NDUFS7: variants seen among roughly 807,000 people sequenced by gnomAD.
NDUFS7 encodes the protein NADH dehydrogenase [ubiquinone] iron-sulfur protein 7, mitochondrial.
Under a neutral mutation model 31.1 loss-of-function variants are expected in NDUFS7, and 11 were observed. That is an observed-to-expected ratio of 0.35 (90% CI 0.22 to 0.59). The LOEUF is 0.59. Ranked by LOEUF, NDUFS7 falls within the 20% of genes least tolerant of loss-of-function variation. The pLI, the probability that NDUFS7 is intolerant of heterozygous loss-of-function variation, is 0.79. For missense variants in NDUFS7, 263 were observed against 324.2 expected (o/e 0.81, Z 1.45); for synonymous variants, 136 against 127.9 (o/e 1.06, Z -0.43).
chr19:1,394,158 G>A, intron 7 of NDUFS7: 1 of 354,788 alleles, frequency 2.8e-6, no homozygotes. Flanking sequence ...GCACATCCTG[G>A]TGCCTCTCAA....
In NDUFS7 at chr19:1,393,057, C is replaced by A. The variant is rs2082567988; in HGVS notation, c.456-185C>A. 1.6e-6 allele frequency: 1 copy of A among 619,228 alleles called. No individual in the cohort carries two copies. The highest frequency in any genetic ancestry group is 2.7e-5 in the East Asian group (1 of 36,458). The allele number at this position is 619,228 out of a possible 1,614,324, so 38.4% of individuals were successfully genotyped here. The stretch of plus-strand genomic sequence containing the variant: ...TTATCAGCCACGTGTGAGCTTGCGC[C>A]CCACTGGTCCCACAGAGGCTCTGGG... On this transcript the variant is annotated intron_variant, in intron 6 of 7. Transcript: ENST00000233627. The surrounding 1 kb of genome is among the most constrained non-coding windows in gnomAD (Gnocchi z 7.3).
intron 6 of NDUFS7, chr19:1,392,956 C>T (rs2082567164): frequency 3.8e-6 from 2 of 520,656 alleles, no homozygotes; most frequent in Non-Finnish European, 7.0e-6. Context: ...TTTGTTGACA[C>T]ATGTGATCTG....
rs998999454 is a variant in NDUFS7 at position 1,393,828 on chromosome 19, C to T, written c.544+498C>T. ...AACTGTTAGTAGTAATTGTTTAGTA[C>T]GAGTATATCCCAACAATATTTGGGC... On this transcript the variant is annotated intron_variant, in intron 7 of 7. Coordinates refer to ENST00000233627, the MANE Select transcript of NDUFS7 (RefSeq NM_024407.5). This position sits in a 1 kb window ranked among gnomAD's most constrained non-coding sequence, Gnocchi z 7.3. The T allele has an allele frequency of 3.1e-5, 10 of 319,626 alleles. No individual in the cohort carries two copies. The highest frequency in any genetic ancestry group is 7.2e-5 in the South Asian group (2 of 27,602). The allele number at this position is 319,626 out of a possible 1,614,324, so 19.8% of individuals were successfully genotyped here.
Position 1,388,508 on chromosome 19 carries a change from G to A in NDUFS7, c.54-17G>A, listed in dbSNP as rs543072293. 101 of 1,610,406 alleles carry A rather than the reference G, an allele frequency of 6.3e-5. No individual in the cohort carries two copies. The African/African-American group carries it at 7.9e-4, about 13-fold the overall frequency. ...GGGCCTGGGACAGCCACTGACCCGC[G>A]TTCCATCTCCCGGCAGCTCCAGCGT... On this transcript the variant is annotated splice_polypyrimidine_tract_variant and intron_variant, in intron 2 of 7. Coordinates refer to ENST00000233627, the MANE Select transcript of NDUFS7 (RefSeq NM_024407.5).
rs1379580311 is a variant in NDUFS7, at chr19:1,395,516, T to TCGC, written c.*31_*33dup. 4 of 1,556,480 alleles carry TCGC rather than the reference T, an allele frequency of 2.6e-6. No homozygotes were observed. The highest frequency in any genetic ancestry group is 3.5e-6 in the Non-Finnish European group (4 of 1,150,764). On this transcript the variant is annotated 3_prime_UTR_variant, in exon 8 of 8. Transcript: ENST00000233627. The stretch of plus-strand genomic sequence containing the variant: ...CCGCCGCCGCCGCCGCCGGAGCCTG[T>TCGC]CGCCGTCCTGTCCCCAGCCTGCTTG...
intron 4 of NDUFS7, chr19:1,389,883 G>T: frequency 9.4e-6 from 2 of 212,766 alleles, no homozygotes; most frequent in Middle Eastern, 1.9e-3. Flanking sequence ...ATGCAGGATA[G>T]TTCTTTTCTT....
In NDUFS7 at chr19:1,387,831, C is replaced by A. The variant is rs140143043; in HGVS notation, c.37C>A (p.Arg13=). The change falls in exon 2 of 8, where the codon CGG becomes AGG. Residue 13 remains arginine, a synonymous_variant. Transcript: ENST00000233627. The part of the protein sequence containing the change: ...VLSAPGLRGF[R]ILGLRSSVGP... ...TGCAGCTCCTGGCCTGCGCGGCTTC[C>A]GGATCCTTGGTCTGCGGTGAGTGCC... The A allele has an allele frequency of 4.4e-6, 7 of 1,605,726 alleles. No homozygotes were observed. In the African/African-American group the frequency reaches 9.5e-5, roughly 22 times the overall value.
At chr19:1,384,538 C>G (rs1406359079) in intron 1 of NDUFS7, among the ~76,000 whole-genome samples, 1 of 152,206 alleles carries the variant, frequency 6.6e-6, no homozygotes, top group Non-Finnish European at 1.5e-5. Flanking sequence ...CATAGAATTG[C>G]AAGGAAATCA....
chr19:1,395,090 G>A (rs1482293166), intron 7 of NDUFS7: 13 of 1,306,028 alleles, frequency 1.0e-5, no homozygotes, highest in Non-Finnish European at 1.2e-5. Flanking sequence ...GAGTCCTGAG[G>A]GCTGGGGCCG....
At chr19:1,394,198 T>C (rs896086456) in intron 7 of NDUFS7, 2 of 399,962 alleles carry the variant, frequency 5.0e-6, no homozygotes. Flanking sequence ...GACTTTGGAT[T>C]CCGCTTCCCT....
Position 1,390,925 on chromosome 19 carries a change from C to T in NDUFS7, c.283C>T (p.His95Tyr). 6.2e-7 allele frequency: 1 copy of T among 1,612,156 alleles called. No homozygotes were observed. Among genetic ancestry groups the T allele is most frequent in the Non-Finnish European group, 8.5e-7 (1 of 1,179,870 alleles). ...GLACCAVEMM[H>Y]MAAPRYDMDR... ...GGCCTGCTGCGCCGTGGAGATGATG[C>T]ACATGGCAGCACCCCGCTACGACAT... The change falls in exon 5 of 8, where the codon CAC (histidine) becomes TAC (tyrosine). Residue 95 changes from histidine (H) to tyrosine (Y), a missense_variant. His to Tyr is a moderately conservative substitution (Grantham distance 83). Coordinates refer to ENST00000233627, the MANE Select transcript of NDUFS7 (RefSeq NM_024407.5).
At chr19:1,395,328 G>A (rs1034414513) in intron 7 of NDUFS7, 63 bp from the exon 8 acceptor site, 30 of 1,553,452 alleles carry the variant, frequency 1.9e-5, no homozygotes, top group African/African-American at 4.1e-5. Flanking sequence ...AGCCGGCTGC[G>A]CTGTGCACGC....
intron 7 of NDUFS7, chr19:1,395,104 GCC>G: frequency 1.5e-6 from 2 of 1,322,602 alleles, no homozygotes; most frequent in Non-Finnish European, 1.9e-6. Flanking sequence ...GGGGCCGGGG[GCC>G]GGGTTAGTGA....
At position 1,385,100 on chromosome 19, in the gene NDUFS7, A is replaced by G. The variant is rs559368883; in HGVS notation, c.16+1158A>G. Among the ~76,000 whole-genome samples, 171 of 152,228 alleles carry G rather than the reference A, an allele frequency of 1.1e-3. 2 individuals are homozygous for G. Among genetic ancestry groups the G allele is most frequent in the Non-Finnish European group, 1.6e-3 (108 of 68,006 alleles). The stretch of plus-strand genomic sequence containing the variant: ...CAAAGTGCTGGGAGCCACGGCACCC[A>G]GCCTACGCTAAGAATTGAATGAAGG... On this transcript the variant is annotated intron_variant, in intron 1 of 7. Transcript: ENST00000233627.
intron 7 of NDUFS7, chr19:1,394,224 T>A (rs2082576740): frequency 1.0e-5 from 5 of 476,900 alleles, no homozygotes; most frequent in Middle Eastern, 5.5e-4. Flanking sequence ...GGGCGTTGAT[T>A]TGTTCAGCGT....
rs1368149686 is a variant in NDUFS7 at position 1,394,623 on chromosome 19, C to G, written c.545-768C>G. The G allele has an allele frequency of 7.4e-6, 9 of 1,217,722 alleles. No homozygotes were observed. The African/African-American group carries it at 1.1e-4, about 15-fold the overall frequency. The allele number at this position is 1,217,722 out of a possible 1,614,324, so 75.4% of individuals were successfully genotyped here. On this transcript the variant is annotated intron_variant, in intron 7 of 7. Coordinates refer to ENST00000233627, the MANE Select transcript of NDUFS7 (RefSeq NM_024407.5). Reference sequence around the variant, plus strand: ...TGGGGACCGCGCCCCTCCCTCCCAGCGGACCGCGCTCCTCCCTCCCTGGGG... The same window carrying G: ...TGGGGACCGCGCCCCTCCCTCCCAGGGGACCGCGCTCCTCCCTCCCTGGGG...
intron 6 of NDUFS7, chr19:1,391,951 C>G (rs2082560897): frequency 6.6e-6 from 1 of 151,938 alleles, no homozygotes; most frequent in African/African-American, 2.4e-5. Context: ...CAGGTTCAAG[C>G]GATTCTCCTG....
chr19:1,389,832 TCCTG>T (rs1293614769), intron 4 of NDUFS7: 2 of 318,262 alleles, frequency 6.3e-6, no homozygotes, highest in Non-Finnish European at 1.2e-5. Flanking sequence ...ACGGCGAACG[TCCTG>T]CCAGGGCCGC....
intron 1 of NDUFS7, among the ~76,000 whole-genome samples, chr19:1,385,778 C>T (rs531849624): frequency 1.7e-4 from 26 of 152,122 alleles, no homozygotes; most frequent in Non-Finnish European, 3.1e-4. Flanking sequence ...AAGATTGTGC[C>T]GTTGCACTCC....
Sources: gnomAD v4.1 joint callset for allele counts (sites outside exome capture counted in the v4.1 genomes callset) on GRCh38, gnomAD v4.1.1 for gene constraint, Gnocchi (gnomAD v3.1) non-coding constraint, MANE v1.5 for transcripts, NCBI Gene and HGNC (gene_info 2026-07-23, HGNC 2026-07-21) for gene names.